Variants in ARHGEF28 observed in about 807,000 individuals in gnomAD.
ARHGEF28 encodes the protein Rho guanine nucleotide exchange factor 28.
Under a neutral mutation model 206.6 loss-of-function variants are expected in ARHGEF28, and 152 were observed. The ratio of observed to expected loss-of-function variants is 0.74; its 90% confidence interval spans 0.64 to 0.84. The LOEUF is 0.84. ARHGEF28 is among the 40% of genes least tolerant of loss of function. ARHGEF28 has a pLI of 0.00. For missense variants in ARHGEF28, 2,028 were observed against 2,073.2 expected (o/e 0.98, Z 0.42); for synonymous variants, 763 against 776.4 (o/e 0.98, Z 0.29).
intron 23 of ARHGEF28, 130 bp downstream of exon 23, chr5:73,882,724 A>T (rs1361371624): frequency 7.7e-6 from 7 of 912,888 alleles, no homozygotes; most frequent in Non-Finnish European, 9.4e-6. Flanking sequence ...GGGAGGTGGA[A>T]TGTTTGTGAC....
At chr5:73,842,848 T>C (rs1438831869) in intron 11 of ARHGEF28, among the ~76,000 whole-genome samples, 1 of 152,068 alleles carries the variant, frequency 6.6e-6, no homozygotes, top group Non-Finnish European at 1.5e-5. Flanking sequence ...CTGGGCATGG[T>C]GGCACACATC....
At position 73,808,773 on chromosome 5, in the gene ARHGEF28, TG is replaced by T. The variant is rs368181257; in HGVS notation, c.1024+13384del. Among the ~76,000 whole-genome samples, 273 of 152,292 alleles carry T rather than the reference TG, an allele frequency of 1.8e-3. 2 individuals are homozygous for T. Among genetic ancestry groups the T allele is most frequent in the African/African-American group, 4.9e-3 (202 of 41,570 alleles). On this transcript the variant is annotated intron_variant, in intron 9 of 35. Transcript: ENST00000513042. ...AGTAGTATTAAAAACTGTGGTGTCT[TG>T]GTGGCTTAACAGTGGAGTAGAGAAG...
Position 73,909,869 on chromosome 5 carries a change from C to G in ARHGEF28, c.4619C>G (p.Pro1540Arg). Residue 1540 changes from proline (P) to arginine (R), a missense_variant, in exon 34 of 36, where the codon CCC (proline) becomes CGC (arginine). Pro to Arg is a moderately radical substitution (Grantham distance 103, BLOSUM62 -2). Transcript: ENST00000513042. ...AAGCACGGCCGGCAGAGGAGCCTGC[C>G]CGCGGTGCTCCTTCCGGGTGGCCCC... ...HWKHGRQRSL[P>R]AVLLPGGPEV... 6.6e-7 allele frequency: 1 copy of G among 1,521,158 alleles called. No homozygotes were observed. The highest frequency in any genetic ancestry group is 8.7e-7 in the Non-Finnish European group (1 of 1,148,286). 94.2% of individuals were successfully genotyped at this position (1,521,158 alleles called of 1,614,324 possible).
chr5:73,919,022 A>T (rs578253490), intron 35 of ARHGEF28, among the ~76,000 whole-genome samples: 2 of 152,080 alleles, frequency 1.3e-5, no homozygotes, highest in Non-Finnish European at 2.9e-5. Context: ...CAAACCCTGG[A>T]CTCTGGCTCC....
At chr5:73,776,788 T>C in intron 6 of ARHGEF28, 92 bp downstream of exon 6, 1 of 1,261,256 alleles carries the variant, frequency 7.9e-7, no homozygotes, top group Non-Finnish European at 1.1e-6. Flanking sequence ...TTTTTGGGGG[T>C]AGGACTTTTT....
intron 2 of ARHGEF28, among the ~76,000 whole-genome samples, chr5:73,687,481 C>T (rs1190683430): frequency 6.6e-6 from 1 of 151,926 alleles, no homozygotes; most frequent in African/African-American, 2.4e-5. Context: ...GCCAATCTAG[C>T]CACTTGGCCT....
intron 2 of ARHGEF28, among the ~76,000 whole-genome samples, chr5:73,694,933 A>G (rs141839079): frequency 1.3e-5 from 2 of 152,402 alleles, no homozygotes; most frequent in African/African-American, 4.8e-5. Context: ...TAGGTAAACG[A>G]ATAAACAAAT....
chr5:73,831,054 T>C (rs1757268669), intron 9 of ARHGEF28, among the ~76,000 whole-genome samples: 1 of 152,200 alleles, frequency 6.6e-6, no homozygotes, highest in Non-Finnish European at 1.5e-5. Flanking sequence ...TAACACACTA[T>C]GATTAGTATT....
chr5:73,645,966 A>G (rs1344515265), intron 1 of ARHGEF28, among the ~76,000 whole-genome samples: 2 of 152,032 alleles, frequency 1.3e-5, no homozygotes, highest in Non-Finnish European at 2.9e-5. Context: ...TTCTGGTACC[A>G]TACTTAAGCA....
chr5:73,852,707 T>A lies in ARHGEF28; in HGVS notation c.1790+15T>A. On this transcript the variant is annotated intron_variant, in intron 14 of 35. Coordinates refer to ENST00000513042, the MANE Select transcript of ARHGEF28 (RefSeq NM_001177693.2). ...AGAGAAAACAGGTACTTTTAACTAT[T>A]CCAATTTTCCTGAGGAACTGCATGA... 5.6e-6 allele frequency: 9 copies of A among 1,612,796 alleles called. No individual in the cohort carries two copies. Among genetic ancestry groups the A allele is most frequent in the Non-Finnish European group, 7.6e-6 (9 of 1,178,848 alleles).
At chr5:73,829,782 A>T (rs1467248603) in intron 9 of ARHGEF28, among the ~76,000 whole-genome samples, 1 of 152,242 alleles carries the variant, frequency 6.6e-6, no homozygotes, top group Non-Finnish European at 1.5e-5. Flanking sequence ...TATTTAAAGA[A>T]AAAAGGCGAG....
intron 2 of ARHGEF28, among the ~76,000 whole-genome samples, chr5:73,736,124 C>T (rs185168552): frequency 6.6e-6 from 1 of 152,350 alleles, no homozygotes; most frequent in Non-Finnish European, 1.5e-5. Flanking sequence ...AGAAAATAAT[C>T]TAAAAGAGGT....
chr5:73,936,084 C>T (rs1302706833), intron 35 of ARHGEF28, among the ~76,000 whole-genome samples: 1 of 152,128 alleles, frequency 6.6e-6, no homozygotes, highest in African/African-American at 2.4e-5. Flanking sequence ...ACAATGATCA[C>T]GATCATGATG....
intron 1 of ARHGEF28, among the ~76,000 whole-genome samples, chr5:73,681,285 T>A (rs192566513): frequency 7.2e-5 from 11 of 152,318 alleles, no homozygotes; most frequent in African/African-American, 2.6e-4. Flanking sequence ...AAGGTGAGGA[T>A]CATAGTATAT....
intron 5 of ARHGEF28, 21 bp downstream of exon 5, chr5:73,774,059 G>GTC: frequency 6.4e-7 from 1 of 1,554,286 alleles, no homozygotes; most frequent in Non-Finnish European, 8.7e-7. Context: ...CTACTTGATA[G>GTC]TCTCTCTCTT....
chr5:73,629,507 C>CAAAAA (rs70973265), intron 1 of ARHGEF28, among the ~76,000 whole-genome samples: 2 of 138,322 alleles, frequency 1.4e-5, no homozygotes, highest in African/African-American at 5.5e-5. Flanking sequence ...GACTCTGTCT[C>CAAAAA]AAAAAAAAAA....
chr5:73,638,948 CT>C (rs1378681119), intron 1 of ARHGEF28, among the ~76,000 whole-genome samples: 1 of 152,002 alleles, frequency 6.6e-6, no homozygotes, highest in Non-Finnish European at 1.5e-5. Flanking sequence ...TTGCACAGTT[CT>C]TTTTCCTTTT....
In ARHGEF28 at chr5:73,840,640, C is replaced by T. The variant is rs756825525; in HGVS notation, c.1307C>T (p.Thr436Ile). 1 of 1,613,864 alleles carries T rather than the reference C, an allele frequency of 6.2e-7. No homozygotes were observed. Among genetic ancestry groups the T allele is most frequent in the Non-Finnish European group, 8.5e-7 (1 of 1,179,832 alleles). ...VYPLSENVEG[T>I]AHTEAQQSFM... ...CCACTTAGTGAAAATGTCGAAGGGA[C>T]AGCACACACTGAAGCCCAGCAGTCC... Residue 436 changes from threonine to isoleucine, a missense_variant, in exon 11 of 36, where the codon ACA (threonine) becomes ATA (isoleucine). Thr to Ile is a moderately conservative substitution (Grantham distance 89). Around this residue, in one of 3 missense-constraint regions of ARHGEF28, gnomAD observed 1,002 missense variants for 1,015.3 expected, o/e 0.99. Transcript: ENST00000513042.
At chr5:73,758,997 T>C (rs187357789) in intron 4 of ARHGEF28, among the ~76,000 whole-genome samples, 1 of 152,226 alleles carries the variant, frequency 6.6e-6, no homozygotes, top group Non-Finnish European at 1.5e-5. Context: ...GGTAACCCAA[T>C]TGAACTTTTG....
Sources: gnomAD v4.1 joint callset for allele counts (sites outside exome capture counted in the v4.1 genomes callset) on GRCh38, gnomAD v4.1.1 for gene constraint, gnomAD v4.1.1 regional missense constraint, MANE v1.5 for transcripts, NCBI Gene and HGNC (gene_info 2026-07-23, HGNC 2026-07-21) for gene names.